Variants in ATP8A2 observed in about 807,000 individuals in gnomAD.
The protein encoded by ATP8A2 is ATPase phospholipid transporting 8A2, also known as phospholipid-transporting ATPase IB.
In ATP8A2, 100 loss-of-function variants were observed where a neutral mutation model predicts 165.6. The ratio of observed to expected loss-of-function variants is 0.60; its 90% CI spans 0.51 to 0.71. ATP8A2 has a LOEUF of 0.71. ATP8A2 is among the 30% of genes least tolerant of loss of function. The pLI is 0.00. For missense variants in ATP8A2, 1,227 were observed against 1,479.5 expected (o/e 0.83, Z 2.80); for synonymous variants, 543 against 548.8 (o/e 0.99, Z 0.15).
intron 33 of ATP8A2, among the ~76,000 whole-genome samples, chr13:25,877,576 G>A (rs761237816): frequency 1.1e-4 from 17 of 152,238 alleles, no homozygotes; most frequent in Non-Finnish European, 2.2e-4. Context: ...GCACCGACCT[G>A]GTCCTCCCCC....
chr13:25,727,694 G>C (rs964758084), intron 25 of ATP8A2, among the ~76,000 whole-genome samples: 1 of 152,104 alleles, frequency 6.6e-6, no homozygotes, highest in Non-Finnish European at 1.5e-5. Context: ...CACATTAAAC[G>C]TAATTGTAGA....
intron 1 of ATP8A2, among the ~76,000 whole-genome samples, chr13:25,449,349 A>G (rs1241558418): frequency 1.3e-5 from 2 of 152,206 alleles, no homozygotes; most frequent in African/African-American, 2.4e-5. Context: ...TGTTTACCCT[A>G]CAGTTTAGAA....
intron 36 of ATP8A2, among the ~76,000 whole-genome samples, chr13:26,013,540 G>A (rs1956893802): frequency 6.6e-6 from 1 of 152,184 alleles, no homozygotes; most frequent in Non-Finnish European, 1.5e-5. Flanking sequence ...TGGGCGTGAC[G>A]GCACATGCCT....
At chr13:25,377,148 T>G (rs1373421943) in intron 1 of ATP8A2, among the ~76,000 whole-genome samples, 1 of 152,174 alleles carries the variant, frequency 6.6e-6, no homozygotes, top group African/African-American at 2.4e-5. Context: ...TTTTAAGCAT[T>G]TATGAGACGA....
intron 1 of ATP8A2, among the ~76,000 whole-genome samples, chr13:25,434,010 A>G (rs953695818): frequency 4.6e-5 from 7 of 152,208 alleles, no homozygotes; most frequent in African/African-American, 2.4e-5. Flanking sequence ...TTACCTGTCA[A>G]GTACAATGTT....
At chr13:25,569,814 G>A (rs185231620) in intron 16 of ATP8A2, among the ~76,000 whole-genome samples, 5 of 152,202 alleles carry the variant, frequency 3.3e-5, no homozygotes, top group African/African-American at 1.2e-4. Context: ...AAAATGTAAT[G>A]GAAATAAGAT....
chr13:25,867,139 C>G (rs1433714317), intron 33 of ATP8A2, among the ~76,000 whole-genome samples: 1 of 131,944 alleles, frequency 7.6e-6, no homozygotes, highest in African/African-American at 2.8e-5. Flanking sequence ...CTGGGACAGG[C>G]TTTTTTTTTT....
chr13:25,900,307 G>T (rs1172210406), intron 33 of ATP8A2, among the ~76,000 whole-genome samples: 4 of 152,188 alleles, frequency 2.6e-5, no homozygotes, highest in South Asian at 2.1e-4. Context: ...GTGTTAGCAT[G>T]ATCTGAGGTG....
At chr13:25,546,280 C>T (rs1314484525) in intron 10 of ATP8A2, among the ~76,000 whole-genome samples, 1 of 152,162 alleles carries the variant, frequency 6.6e-6, no homozygotes, top group East Asian at 1.9e-4. Flanking sequence ...AACCTCTTTG[C>T]AAGGCTTCTT....
intron 30 of ATP8A2, among the ~76,000 whole-genome samples, chr13:25,859,963 T>G (rs1952296833): frequency 6.6e-6 from 1 of 151,824 alleles, no homozygotes; most frequent in African/African-American, 2.4e-5. Flanking sequence ...AGATCAAGCG[T>G]TTGGTTGGTT....
intron 24 of ATP8A2, among the ~76,000 whole-genome samples, chr13:25,658,961 A>C (rs1015999658): frequency 2.0e-5 from 3 of 152,206 alleles, no homozygotes; most frequent in Non-Finnish European, 4.4e-5. Context: ...GTAAGATTTG[A>C]TGATATTATT....
chr13:25,940,791 G>A (rs1433026044), intron 33 of ATP8A2, among the ~76,000 whole-genome samples: 4 of 152,246 alleles, frequency 2.6e-5, no homozygotes, highest in Non-Finnish European at 5.9e-5. Flanking sequence ...GAGGCTGAGA[G>A]CTTGGGCTCT....
At chr13:25,561,131 T>C (rs2039140141) in intron 15 of ATP8A2, among the ~76,000 whole-genome samples, 1 of 152,158 alleles carries the variant, frequency 6.6e-6, no homozygotes, top group Non-Finnish European at 1.5e-5. Flanking sequence ...GTGATCTGCC[T>C]GTCTCGGCCT....
chr13:25,714,800 G>A (rs147989655), intron 25 of ATP8A2, among the ~76,000 whole-genome samples: 121 of 152,212 alleles, frequency 7.9e-4, no homozygotes, highest in Middle Eastern at 3.4e-3. Context: ...GTCCAATGCA[G>A]GGCACCTGCT....
At chr13:25,547,951 C>T (rs890540528) in intron 10 of ATP8A2, among the ~76,000 whole-genome samples, 9 of 152,108 alleles carry the variant, frequency 5.9e-5, no homozygotes, top group East Asian at 5.8e-4. Context: ...GGGCCAGGTG[C>T]GGTGGCTCAC....
intron 2 of ATP8A2, among the ~76,000 whole-genome samples, chr13:25,513,377 G>A (rs1003220525): frequency 6.6e-6 from 1 of 151,346 alleles, no homozygotes; most frequent in African/African-American, 2.4e-5. Flanking sequence ...GGGCAGAGAC[G>A]CTTCTCACTT....
Position 25,559,722 on chromosome 13 carries a change from C to G in ATP8A2, c.1354C>G (p.His452Asp), listed in dbSNP as rs771652351. The change falls in exon 15 of 37, where the codon CAC becomes GAC. Residue 452 changes from histidine to aspartate, a missense_variant and splice_region_variant. This residue lies in a region of ATP8A2 where 592 missense variants were observed against 785.6 expected (regional missense o/e 0.75). Coordinates refer to ENST00000381655, the MANE Select transcript of ATP8A2 (RefSeq NM_016529.6). ...CTCTGTTTTCCGTTTCTCTGGCAGT[C>G]ACTTCCCAGAATTGGCAAGAGAGCC... is the stretch of plus-strand genomic sequence containing the variant. ...KCSIAGVTYGHFPELAREPSS... is the reference protein window; with the variant it reads ...KCSIAGVTYGDFPELAREPSS... The G allele has an allele frequency of 6.2e-7, 1 of 1,612,972 alleles. No individual in the cohort carries two copies. The highest frequency in any genetic ancestry group is 1.3e-5 in the African/African-American group (1 of 74,908).
chr13:25,634,032 G>C lies in ATP8A2; in HGVS notation c.2211+44333G>C, dbSNP rs193237208. 5.9e-3 allele frequency among the ~76,000 whole-genome samples: 898 copies of C among 151,822 alleles called. 10 individuals carry two copies. The highest frequency in any genetic ancestry group is 0.02 in the African/African-American group (838 of 41,456). On this transcript the variant is annotated intron_variant, in intron 24 of 36. Coordinates refer to ENST00000381655, the MANE Select transcript of ATP8A2 (RefSeq NM_016529.6). ...ACTGCTTCACAAACATTCTTTTGTT[G>C]TTGATGGAAAAACCAATTGACTATT...
At chr13:25,692,276 T>A (rs1265704233) in intron 24 of ATP8A2, among the ~76,000 whole-genome samples, 1 of 152,194 alleles carries the variant, frequency 6.6e-6, no homozygotes, top group Non-Finnish European at 1.5e-5. Context: ...ATGGTGTGGT[T>A]GAAGTGCTGC....
Sources: gnomAD v4.1 joint callset for allele counts (sites outside exome capture counted in the v4.1 genomes callset) on GRCh38, gnomAD v4.1.1 for gene constraint, gnomAD v4.1.1 regional missense constraint, MANE v1.5 for transcripts, NCBI Gene and HGNC (gene_info 2026-07-23, HGNC 2026-07-21) for gene names.